Variants in HEATR5A observed in about 807,000 individuals in gnomAD.
HEATR5A encodes HEAT repeat containing 5A.
A neutral mutation model predicts 218.8 loss-of-function variants in HEATR5A; 178 were observed. The ratio of observed to expected loss-of-function variants is 0.81; its 90% CI spans 0.72 to 0.92. HEATR5A has a LOEUF of 0.92. Among genes scored for constraint, HEATR5A ranks in the 40% least tolerant of loss-of-function variants. The pLI, the probability that HEATR5A is intolerant of heterozygous loss-of-function variation, is 0.00. For synonymous variants in HEATR5A, 864 were observed against 871.6 expected (o/e 0.99, Z 0.15); for missense variants, 2,420 against 2,418.9 (o/e 1.00, Z -0.01).
At chr14:31,337,842 A>T (rs1900717547) in intron 21 of HEATR5A, among the ~76,000 whole-genome samples, 1 of 152,352 alleles carries the variant, frequency 6.6e-6, no homozygotes, top group Non-Finnish European at 1.5e-5. Flanking sequence ...TGCACTACTC[A>T]TAAATCTAAC....
At chr14:31,366,118 C>G (rs1901793363) in intron 13 of HEATR5A, among the ~76,000 whole-genome samples, 1 of 152,088 alleles carries the variant, frequency 6.6e-6, no homozygotes, top group South Asian at 2.1e-4. Flanking sequence ...AATTGTAACA[C>G]CTGGGTAAGG....
intron 5 of HEATR5A, 75 bp downstream of exon 5, chr14:31,395,124 C>T (rs1368602601): frequency 2.0e-6 from 2 of 980,492 alleles, no homozygotes; most frequent in East Asian, 5.3e-5. Context: ...GTAGCTTTTA[C>T]TAATGCTTTC....
At chr14:31,374,781 A>C in intron 12 of HEATR5A, 35 bp downstream of exon 12, 1 of 1,572,756 alleles carries the variant, frequency 6.4e-7, no homozygotes, top group Non-Finnish European at 8.6e-7. Flanking sequence ...TAAAAAGCCA[A>C]AGGAAAGGGA....
chr14:31,357,852 A>ATG (rs1379787698), intron 16 of HEATR5A, among the ~76,000 whole-genome samples: 2 of 152,086 alleles, frequency 1.3e-5, no homozygotes, highest in Admixed American at 1.3e-4. Flanking sequence ...TTGTGTGTGT[A>ATG]TGTGTGTGTG....
chr14:31,385,572 C>T (rs769729450), intron 9 of HEATR5A, among the ~76,000 whole-genome samples: 11 of 151,874 alleles, frequency 7.2e-5, no homozygotes, highest in Middle Eastern at 3.4e-3. Flanking sequence ...TCAGGGGCTG[C>T]GGCAAAGGGA....
At position 31,400,394 on chromosome 14, in the gene HEATR5A, A is replaced by ATACTTT. The variant is rs2030826581; in HGVS notation, c.244_245insAAAGTA (p.Ser81_Ile82insLysSer). ...TTCATGAACGGAGAATGTGTCTCCA[A>ATACTTT]TACTATAAAGTATGGCTAGATTCTT... On this transcript the variant is annotated inframe_insertion, in exon 3 of 36. Coordinates refer to ENST00000543095, the MANE Select transcript of HEATR5A (RefSeq NM_015473.4). The ATACTTT allele has an allele frequency of 6.5e-7, 1 of 1,535,492 alleles. No individual in the cohort carries two copies. The highest frequency in any genetic ancestry group is 8.7e-7 in the Non-Finnish European group (1 of 1,146,470).
intron 1 of HEATR5A, among the ~76,000 whole-genome samples, chr14:31,411,966 G>A (rs1415854740): frequency 2.6e-5 from 4 of 151,622 alleles, no homozygotes; most frequent in East Asian, 1.9e-4. Flanking sequence ...AGCTATTCTC[G>A]TATCTCAGCC....
intron 12 of HEATR5A, among the ~76,000 whole-genome samples, chr14:31,373,931 T>C (rs894374293): frequency 1.3e-4 from 20 of 152,178 alleles, no homozygotes; most frequent in Non-Finnish European, 2.5e-4. Context: ...ATATATTTTC[T>C]CTTCCTTATG....
At chr14:31,323,211 C>T (rs1351156212) in intron 24 of HEATR5A, among the ~76,000 whole-genome samples, 1 of 152,132 alleles carries the variant, frequency 6.6e-6, no homozygotes, top group African/African-American at 2.4e-5. Context: ...TGTATTTAAA[C>T]ATGAAGTGAT....
intron 25 of HEATR5A, 113 bp from the exon 26 acceptor site, chr14:31,318,405 T>C (rs958182952): frequency 1.2e-6 from 1 of 830,234 alleles, no homozygotes; most frequent in Non-Finnish European, 2.0e-6. Context: ...TATGGACAGC[T>C]GTTGTTTTGT....
intron 2 of HEATR5A, among the ~76,000 whole-genome samples, chr14:31,402,239 G>A (rs1004732532): frequency 6.6e-6 from 1 of 152,186 alleles, no homozygotes; most frequent in African/African-American, 2.4e-5. Flanking sequence ...ATATAGTACT[G>A]TGATTATGTG....
intron 11 of HEATR5A, among the ~76,000 whole-genome samples, chr14:31,375,718 T>C (rs192900912): frequency 1.3e-5 from 2 of 152,260 alleles, no homozygotes; most frequent in Admixed American, 6.5e-5. Context: ...AGAATAATGC[T>C]AACTTCTGAT....
intron 22 of HEATR5A, among the ~76,000 whole-genome samples, chr14:31,336,477 A>T (rs1222264561): frequency 6.6e-6 from 1 of 151,818 alleles, no homozygotes; most frequent in Non-Finnish European, 1.5e-5. Context: ...GGTGTGAGCC[A>T]CCATACCTGG....
intron 13 of HEATR5A, 69 bp from the exon 14 acceptor site, chr14:31,364,367 T>C: frequency 1.4e-6 from 1 of 700,400 alleles, no homozygotes. Context: ...ATTGACAGCT[T>C]AATATCTTAA....
intron 15 of HEATR5A, 25 bp from the exon 16 acceptor site, chr14:31,358,837 G>A (rs767020984): frequency 2.5e-6 from 4 of 1,610,258 alleles, no homozygotes; most frequent in Non-Finnish European, 3.4e-6. Flanking sequence ...AAGTATATAA[G>A]GTTTTAAAAT....
intron 9 of HEATR5A, 131 bp downstream of exon 9, chr14:31,386,289 T>C (rs1044721548): frequency 1.5e-5 from 10 of 669,678 alleles, no homozygotes; most frequent in Non-Finnish European, 2.3e-5. Flanking sequence ...TAATCCTGAT[T>C]ATAAATTTTT....
chr14:31,372,653 C>T (rs570728135), intron 12 of HEATR5A, among the ~76,000 whole-genome samples: 5 of 152,160 alleles, frequency 3.3e-5, no homozygotes, highest in Admixed American at 3.3e-4. Context: ...ACATGGAGAA[C>T]CCCATCTCTA....
In HEATR5A at chr14:31,306,256, T is replaced by C. The variant is rs189215177; in HGVS notation, c.4966+476A>G. On this transcript the variant is annotated intron_variant, in intron 31 of 35. Transcript: ENST00000543095. ...ACTCTGGGAGGCTGAGGTGGGTGGA[T>C]TGCCTGAGTCCAGGAGTTCGAGAGA... Among the ~76,000 whole-genome samples, 6 of 152,236 alleles carry C rather than the reference T, an allele frequency of 3.9e-5. No individual in the cohort carries two copies. In the South Asian group the frequency reaches 1.0e-3, roughly 26 times the overall value.
At position 31,387,120 on chromosome 14, in the gene HEATR5A, C is replaced by A. The variant is rs1199554534; in HGVS notation, c.1189G>T (p.Asp397Tyr). ...AAACTGTCTTAGTAGAGATCCATAC[C>A]CATAACTTTCTTTAGCTTCCAGATG... ...QAIWKLKKVM[D>Y]AVMSDGNLET... Residue 397 changes from aspartate to tyrosine, a missense_variant and splice_region_variant, in exon 8 of 36, where the codon GAT becomes TAT. By Grantham distance (160) the Asp-to-Tyr change is radical. Coordinates refer to ENST00000543095, the MANE Select transcript of HEATR5A (RefSeq NM_015473.4). The A allele has an allele frequency of 6.2e-6, 10 of 1,613,852 alleles. No homozygotes were observed. The highest frequency in any genetic ancestry group is 1.1e-5 in the South Asian group (1 of 91,082).
Sources: gnomAD v4.1 joint callset for allele counts (sites outside exome capture counted in the v4.1 genomes callset) on GRCh38, gnomAD v4.1.1 for gene constraint, MANE v1.5 for transcripts, NCBI Gene and HGNC (gene_info 2026-07-23, HGNC 2026-07-21) for gene names.